BRINP1: variants seen among roughly 807,000 people sequenced by gnomAD.
BRINP1 encodes the protein BMP/retinoic acid-inducible neural-specific protein 1.
BRINP1 carries 17 observed loss-of-function variants against 72.9 expected under a neutral mutation model. The observed-to-expected ratio is 0.23, with a 90% CI of 0.16 to 0.35. The LOEUF (loss-of-function observed/expected upper bound fraction) is 0.35. Ranked by LOEUF, BRINP1 falls within the 10% of genes least tolerant of loss-of-function variation. The pLI, the probability that BRINP1 is intolerant of heterozygous loss-of-function variation, is 1.00. For synonymous variants in BRINP1, 418 were observed against 378.5 expected, an observed-to-expected ratio of 1.10 and a Z score of -1.21; for missense variants, 850 against 1,001.6, an observed-to-expected ratio of 0.85 and a Z score of 2.04.
intron 5 of BRINP1, among the ~76,000 whole-genome samples, chr9:119,228,357 A>T (rs1163622942): frequency 2.0e-5 from 3 of 152,030 alleles, no homozygotes; most frequent in Admixed American, 2.0e-4. Flanking sequence ...CCATGGCACT[A>T]CATTAAATAT....
chr9:119,294,022 T>C (rs964122604), intron 2 of BRINP1, among the ~76,000 whole-genome samples: 2 of 152,050 alleles, frequency 1.3e-5, no homozygotes, highest in Admixed American at 6.5e-5. Flanking sequence ...TCCTAAAGAC[T>C]CAGTAACAAC....
intron 3 of BRINP1, among the ~76,000 whole-genome samples, chr9:119,243,648 G>C (rs895799013): frequency 6.6e-6 from 1 of 152,158 alleles, no homozygotes; most frequent in Non-Finnish European, 1.5e-5. Flanking sequence ...TACAATGGTT[G>C]AACTAATTTA....
At chr9:119,222,869 G>A (rs1040391795) in intron 5 of BRINP1, among the ~76,000 whole-genome samples, 17 of 151,764 alleles carry the variant, frequency 1.1e-4, no homozygotes, top group Admixed American at 1.1e-3. Flanking sequence ...ACATGAACAT[G>A]TTCTTGAAGC....
In BRINP1 at chr9:119,167,585, G is replaced by C; in HGVS notation, c.1785C>G (p.Ser595Arg). The C allele has an allele frequency of 5.0e-6, 8 of 1,614,164 alleles. No homozygotes were observed. The highest frequency in any genetic ancestry group is 6.8e-6 in the Non-Finnish European group (8 of 1,180,036). The change falls in exon 8 of 8, where the codon AGC becomes AGG. Residue 595 changes from serine to arginine, a missense_variant. Physicochemically the swap from Ser to Arg is moderately radical, Grantham distance 110 (BLOSUM62 -1). Coordinates refer to ENST00000265922, the MANE Select transcript of BRINP1 (RefSeq NM_014618.3). This position sits in a 1 kb window ranked among gnomAD's most constrained non-coding sequence, Gnocchi z 4.3. Reference protein sequence around the residue: ...PRWEKIRLQNSQCYNWTLLLG... With the variant: ...PRWEKIRLQNRQCYNWTLLLG... ...GCAAAAGAGTCCAGTTGTAGCACTG[G>C]CTGTTTTGGAGACGGATCTTCTCCC... is the stretch of plus-strand genomic sequence containing the variant.
intron 6 of BRINP1, among the ~76,000 whole-genome samples, chr9:119,212,867 C>G (rs985717963): frequency 1.4e-4 from 22 of 152,318 alleles, no homozygotes; most frequent in African/African-American, 5.3e-4. Context: ...CAACATCTAT[C>G]AAGTTGTCTA....
chr9:119,229,830 T>C (rs1830130032), intron 5 of BRINP1, among the ~76,000 whole-genome samples: 1 of 152,126 alleles, frequency 6.6e-6, no homozygotes, highest in South Asian at 2.1e-4. Flanking sequence ...CACTATGGGC[T>C]GAGTGATTCA....
intron 7 of BRINP1, among the ~76,000 whole-genome samples, chr9:119,207,975 A>G (rs1396607190): frequency 6.6e-6 from 1 of 152,096 alleles, no homozygotes; most frequent in African/African-American, 2.4e-5. Context: ...GCAGATCAGA[A>G]ATGCCCCGGA....
At chr9:119,197,092 T>C (rs1200407328) in intron 7 of BRINP1, among the ~76,000 whole-genome samples, 1 of 152,098 alleles carries the variant, frequency 6.6e-6, no homozygotes, top group Non-Finnish European at 1.5e-5. Flanking sequence ...GTAGGGGAAG[T>C]CTGGGTTTAA....
intron 7 of BRINP1, among the ~76,000 whole-genome samples, chr9:119,168,704 C>T (rs930888300): frequency 2.5e-5 from 3 of 118,980 alleles, no homozygotes; most frequent in African/African-American, 7.7e-5. Flanking sequence ...TGTATAACAT[C>T]TACCAACTTC....
chr9:119,364,154 C>G (rs1367138675), intron 1 of BRINP1, among the ~76,000 whole-genome samples: 1 of 151,878 alleles, frequency 6.6e-6, no homozygotes, highest in Non-Finnish European at 1.5e-5. Flanking sequence ...GAAGACAATC[C>G]CCTCTATTCA....
intron 1 of BRINP1, among the ~76,000 whole-genome samples, chr9:119,361,623 T>C (rs192791250): frequency 2.5e-4 from 38 of 151,816 alleles, no homozygotes; most frequent in African/African-American, 7.5e-4. Flanking sequence ...TCTTCTTCTT[T>C]TTTTTGTTTT....
Position 119,268,085 on chromosome 9 carries a change from A to G in BRINP1, c.219-18935T>C, listed in dbSNP as rs554244330. On this transcript the variant is annotated intron_variant, in intron 2 of 7. Coordinates refer to ENST00000265922, the MANE Select transcript of BRINP1 (RefSeq NM_014618.3). Reference sequence around the variant, plus strand: ...TGGCGAAACCCCATCTCTACTAAAAATACAAAACTTAGCTAGGCGTGGTGG... The same window carrying G: ...TGGCGAAACCCCATCTCTACTAAAAGTACAAAACTTAGCTAGGCGTGGTGG... 7.9e-5 allele frequency among the ~76,000 whole-genome samples: 12 copies of G among 152,186 alleles called. No homozygotes were observed. The East Asian group carries it at 2.1e-3, about 27-fold the overall frequency.
At chr9:119,187,103 G>A (rs1193374279) in intron 7 of BRINP1, among the ~76,000 whole-genome samples, 2 of 151,772 alleles carry the variant, frequency 1.3e-5, no homozygotes, top group Non-Finnish European at 2.9e-5. Context: ...AGCTACTGAA[G>A]TGCCTTGGAA....
intron 7 of BRINP1, among the ~76,000 whole-genome samples, chr9:119,184,320 C>T (rs1387995205): frequency 6.6e-6 from 1 of 152,118 alleles, no homozygotes; most frequent in Non-Finnish European, 1.5e-5. Flanking sequence ...GATTGTACAC[C>T]CTCGGTTGCC....
At chr9:119,303,815 A>G (rs1830965530) in intron 2 of BRINP1, among the ~76,000 whole-genome samples, 1 of 151,436 alleles carries the variant, frequency 6.6e-6, no homozygotes, top group African/African-American at 2.4e-5. Context: ...TACTTCAGGT[A>G]TTTGTTTTAG....
chr9:119,180,610 A>T (rs781528980), intron 7 of BRINP1, among the ~76,000 whole-genome samples: 9 of 152,072 alleles, frequency 5.9e-5, no homozygotes, highest in Non-Finnish European at 1.0e-4. Flanking sequence ...AATGCTATGG[A>T]TGTGCTAGTA....
At chr9:119,332,960 A>T (rs1831313983) in intron 1 of BRINP1, among the ~76,000 whole-genome samples, 1 of 152,172 alleles carries the variant, frequency 6.6e-6, no homozygotes, top group Admixed American at 6.5e-5. Flanking sequence ...TAGATAAGAA[A>T]ACTGAGGGTC....
rs1338336022 is a variant in BRINP1, at chr9:119,283,832, C to A, written c.218+29306G>T. Reference sequence around the variant, plus strand: ...ACAGACGTAAGCCACTGCGCCTGGCCTCCTCTCAGATCTCTTAACACAAGT... The same window carrying A: ...ACAGACGTAAGCCACTGCGCCTGGCATCCTCTCAGATCTCTTAACACAAGT... On this transcript the variant is annotated intron_variant, in intron 2 of 7. Transcript: ENST00000265922. Among the ~76,000 whole-genome samples the A allele has an allele frequency of 2.0e-5, 3 of 152,272 alleles. No individual in the cohort carries two copies. The East Asian group carries it at 5.8e-4, about 29-fold the overall frequency.
chr9:119,192,735 C>T (rs760577799), intron 7 of BRINP1, among the ~76,000 whole-genome samples: 1 of 152,088 alleles, frequency 6.6e-6, no homozygotes, highest in Non-Finnish European at 1.5e-5. Context: ...ACACAGAAAT[C>T]CCTCTTCTGG....
Sources: gnomAD v4.1 joint callset for allele counts (sites outside exome capture counted in the v4.1 genomes callset) on GRCh38, gnomAD v4.1.1 for gene constraint, Gnocchi (gnomAD v3.1) non-coding constraint, MANE v1.5 for transcripts, NCBI Gene and HGNC (gene_info 2026-07-23, HGNC 2026-07-21) for gene names.